The following NFATC2 variants were observed in gnomAD, a reference collection of about 807,000 sequenced individuals.
The protein encoded by NFATC2 is nuclear factor of activated T-cells, cytoplasmic 2.
NFATC2 carries 22 observed loss-of-function variants against 87.3 expected under a neutral mutation model. That is an observed-to-expected ratio of 0.25 (90% CI 0.18 to 0.36). NFATC2 has a LOEUF of 0.36. Ranked by LOEUF, NFATC2 falls within the 10% of genes least tolerant of loss-of-function variation. The probability of loss-of-function intolerance (pLI) is 1.00; values close to 1 mark genes in which losing one functional copy is unlikely to be tolerated. For synonymous variants in NFATC2, 565 were observed against 542.2 expected (o/e 1.04, Z -0.58); for missense variants, 1,149 against 1,259.1 (o/e 0.91, Z 1.32).
At chr20:51,400,278 C>A (rs1395572623) in intron 9 of NFATC2, among the ~76,000 whole-genome samples, 1 of 152,190 alleles carries the variant, frequency 6.6e-6, no homozygotes, top group African/African-American at 2.4e-5. Context: ...TTATCCATAT[C>A]TACTCATTTA....
intron 5 of NFATC2, among the ~76,000 whole-genome samples, chr20:51,473,232 C>A (rs138369494): frequency 6.6e-6 from 1 of 152,136 alleles, no homozygotes; most frequent in Non-Finnish European, 1.5e-5. Flanking sequence ...AGACCGTAAG[C>A]TCATTAAGGC....
chr20:51,424,435 A>G (rs1039203582), intron 9 of NFATC2, among the ~76,000 whole-genome samples: 7 of 152,194 alleles, frequency 4.6e-5, no homozygotes, highest in Non-Finnish European at 1.0e-4. Context: ...GTGATCAGCA[A>G]CTACTGAACC....
chr20:51,398,284 C>T (rs1339511872), intron 10 of NFATC2, among the ~76,000 whole-genome samples: 2 of 152,084 alleles, frequency 1.3e-5, no homozygotes, highest in Admixed American at 6.5e-5. Context: ...GCCGGACACC[C>T]ACCACGGATG....
upstream of NFATC2, among the ~76,000 whole-genome samples, chr20:51,543,320 G>T (rs1037200450): frequency 6.6e-6 from 1 of 152,228 alleles, no homozygotes; most frequent in Non-Finnish European, 1.5e-5. Context: ...GGAAGCTCAG[G>T]CTCTGGTAGT....
rs949219073 is a variant in NFATC2, at chr20:51,414,466, A to T, written c.2723-15736T>A. On this transcript the variant is annotated intron_variant, in intron 9 of 10. Coordinates refer to ENST00000371564, the MANE Select transcript of NFATC2 (RefSeq NM_012340.5). ...CACTTTGGGAGGCCGAGGTGGGCGGATCACCTGAGGTCAGGAGTTCGAGAC... is the reference window on the plus strand; with the variant it reads ...CACTTTGGGAGGCCGAGGTGGGCGGTTCACCTGAGGTCAGGAGTTCGAGAC... Among the ~76,000 whole-genome samples, 4 of 152,236 alleles carry T rather than the reference A, an allele frequency of 2.6e-5. 1 individual carries two copies.
intron 5 of NFATC2, among the ~76,000 whole-genome samples, chr20:51,468,700 T>C (rs1422688993): frequency 6.6e-6 from 1 of 152,256 alleles, no homozygotes; most frequent in East Asian, 1.9e-4. Context: ...CGTCACCATG[T>C]GCTGAGCCCC....
At chr20:51,543,532 AAC>A (rs1462455047), upstream of NFATC2, among the ~76,000 whole-genome samples, 3 of 152,140 alleles carry the variant, frequency 2.0e-5, no homozygotes, top group African/African-American at 7.2e-5. Context: ...TGAGAACCAA[AAC>A]ACAGAGCCAG....
chr20:51,540,719 C>T (rs2076803660), intron 1 of NFATC2, among the ~76,000 whole-genome samples: 1 of 134,864 alleles, frequency 7.4e-6, no homozygotes. Context: ...AGATACCCAT[C>T]TGGTGGCCAC....
chr20:51,454,424 A>G lies in NFATC2; in HGVS notation c.1849+124T>C. On this transcript the variant is annotated intron_variant, in intron 6 of 10. Transcript: ENST00000371564. ...CAATCCCTGAAGACACGCTGAGTAA[A>G]AAGAGCAGGGTATAAAACTGCACGG... 9.3e-6 allele frequency: 9 copies of G among 967,186 alleles called. No individual in the cohort carries two copies. In the South Asian group the frequency reaches 1.5e-4, roughly 16 times the overall value. The allele number at this position is 967,186 out of a possible 1,614,324, so 59.9% of individuals were successfully genotyped here.
At chr20:51,552,685 G>A (rs2076944213) in intron 1 of NFATC2, among the ~76,000 whole-genome samples, 1 of 152,148 alleles carries the variant, frequency 6.6e-6, no homozygotes, top group Admixed American at 6.5e-5. Flanking sequence ...TGGACTGTAG[G>A]AAGATGCCCC....
intron 6 of NFATC2, among the ~76,000 whole-genome samples, chr20:51,450,191 G>A (rs890391304): frequency 4.6e-5 from 7 of 152,104 alleles, no homozygotes; most frequent in Non-Finnish European, 7.4e-5. Flanking sequence ...TACTCAGAAC[G>A]ACACAGCTAC....
At chr20:51,508,700 G>C (rs1044899542) in intron 3 of NFATC2, among the ~76,000 whole-genome samples, 1 of 152,002 alleles carries the variant, frequency 6.6e-6, no homozygotes, top group African/African-American at 2.4e-5. Flanking sequence ...GGATGAACAG[G>C]GTCCCTAGAG....
chr20:51,542,752 G>GGGGT (rs1555819119), upstream of NFATC2: 4 of 598,154 alleles, frequency 6.7e-6, 1 homozygote, highest in Non-Finnish European at 8.0e-6. Flanking sequence ...GGGGAGGCGG[G>GGGGT]GGGGGGGGGG....
In NFATC2 at chr20:51,391,278, A is replaced by G. The variant is rs755211756; in HGVS notation, c.*218T>C. 8.5e-6 allele frequency: 9 copies of G among 1,062,662 alleles called. No individual in the cohort carries two copies. The highest frequency in any genetic ancestry group is 2.4e-5 in the East Asian group (1 of 42,394). 65.8% of individuals were successfully genotyped at this position (1,062,662 alleles called of 1,614,324 possible). On this transcript the variant is annotated 3_prime_UTR_variant, in exon 11 of 11. Coordinates refer to ENST00000371564, the MANE Select transcript of NFATC2 (RefSeq NM_012340.5). ...GTGAGAGTCCGCTTAGTGCCCATAC[A>G]TTGATCCGCGTGTGGACTCCGGGCT...
chr20:51,451,466 G>T (rs572087276), intron 6 of NFATC2, among the ~76,000 whole-genome samples: 1 of 152,228 alleles, frequency 6.6e-6, no homozygotes, highest in African/African-American at 2.4e-5. Flanking sequence ...GGAGGTCAGG[G>T]ATGCTGCTGA....
At chr20:51,492,357 C>G (rs2075906996) in intron 3 of NFATC2, among the ~76,000 whole-genome samples, 1 of 152,142 alleles carries the variant, frequency 6.6e-6, no homozygotes, top group African/African-American at 2.4e-5. Flanking sequence ...ACTGCGCAAT[C>G]AACAGGCAGG....
At chr20:51,406,697 G>A (rs2146258722) in intron 9 of NFATC2, among the ~76,000 whole-genome samples, 1 of 152,294 alleles carries the variant, frequency 6.6e-6, no homozygotes, top group South Asian at 2.1e-4. Context: ...CCTTCCTGTG[G>A]TATCAGTCTG....
upstream of NFATC2, among the ~76,000 whole-genome samples, chr20:51,542,882 A>G (rs1406186753): frequency 6.6e-6 from 1 of 151,192 alleles, no homozygotes; most frequent in African/African-American, 2.4e-5. Flanking sequence ...CTGTCCGCGG[A>G]CCTGACCACA....
intron 5 of NFATC2, among the ~76,000 whole-genome samples, chr20:51,455,965 T>G (rs1600773197): frequency 1.9e-5 from 1 of 52,544 alleles, no homozygotes; most frequent in Non-Finnish European, 3.6e-5. Flanking sequence ...GATGGGTGGG[T>G]GGGTGGGTGG....
Sources: gnomAD v4.1 joint callset for allele counts (sites outside exome capture counted in the v4.1 genomes callset) on GRCh38, gnomAD v4.1.1 for gene constraint, MANE v1.5 for transcripts, NCBI Gene and HGNC (gene_info 2026-07-23, HGNC 2026-07-21) for gene names.